WDR5B: variants seen among roughly 807,000 people sequenced by gnomAD.
WDR5B encodes WD repeat-containing protein 5B.
WDR5B carries 17 observed loss-of-function variants against 24.0 expected under a neutral mutation model. That is an observed-to-expected ratio of 0.71 (90% CI 0.49 to 1.06). WDR5B has a LOEUF of 1.06. WDR5B is among the 50% of genes least tolerant of loss of function. The probability of loss-of-function intolerance (pLI) is 0.00; values close to 1 mark genes in which losing one functional copy is unlikely to be tolerated. For synonymous variants in WDR5B, 150 were observed against 146.4 expected (o/e 1.02, Z -0.18); for missense variants, 368 against 384.1 (o/e 0.96, Z 0.35).
In WDR5B at chr3:122,415,619, G is replaced by A; in HGVS notation, c.-91C>T. 1.4e-6 allele frequency: 2 copies of A among 1,461,034 alleles called. No individual in the cohort carries two copies. Among genetic ancestry groups the A allele is most frequent in the Non-Finnish European group, 1.8e-6 (2 of 1,086,770 alleles). 90.5% of individuals were successfully genotyped at this position (1,461,034 alleles called of 1,614,324 possible). A position where few individuals can be genotyped will look rare whatever the true frequency, so the allele number is the denominator to read the frequency against. The stretch of plus-strand genomic sequence containing the variant: ...TTGGCTTTCTGCCCAGCAAAATGAA[G>A]ATAAACGCACAGGATTTTAAAATGT... On this transcript the variant is annotated 5_prime_UTR_variant, in exon 1 of 1. Coordinates refer to ENST00000330689, the MANE Select transcript of WDR5B (RefSeq NM_019069.4).
chr3:122,415,276 C>G lies in WDR5B; in HGVS notation c.253G>C (p.Glu85Gln), dbSNP rs760183274. The change falls in exon 1 of 1, where the codon GAA becomes CAA. Residue 85 changes from glutamate to glutamine, a missense_variant. Glu to Gln is a conservative substitution (Grantham distance 29, BLOSUM62 2). Coordinates refer to ENST00000330689, the MANE Select transcript of WDR5B (RefSeq NM_019069.4). ...YEKTLYGHNL[E>Q]ISDVAWSSDS... Reference sequence around the variant, plus strand: ...GATGACCAGGCAACATCCGATATTTCCAAATTATGACCATAGAGTGTTTTC... The same window carrying G: ...GATGACCAGGCAACATCCGATATTTGCAAATTATGACCATAGAGTGTTTTC... The G allele has an allele frequency of 6.2e-7, 1 of 1,614,226 alleles. No homozygotes were observed. The highest frequency in any genetic ancestry group is 1.1e-5 in the South Asian group (1 of 91,088).
Position 122,415,667 on chromosome 3 carries a change from T to C in WDR5B, c.-139A>G. 1 of 1,125,530 alleles carries C rather than the reference T, an allele frequency of 8.9e-7. No individual in the cohort carries two copies. Among genetic ancestry groups the C allele is most frequent in the Non-Finnish European group, 1.2e-6 (1 of 801,716 alleles). 69.7% of individuals were successfully genotyped at this position (1,125,530 alleles called of 1,614,324 possible). On this transcript the variant is annotated 5_prime_UTR_variant, in exon 1 of 1. Transcript: ENST00000330689. ...TGTACAGTTTTGAAAGCTTAAAGTT[T>C]CTGGACAGTCTTTAAACTGTGAGAC...
At position 122,415,220 on chromosome 3, in the gene WDR5B, A is replaced by C; in HGVS notation, c.309T>G (p.Asp103Glu). 1 of 1,614,238 alleles carries C rather than the reference A, an allele frequency of 6.2e-7. No individual in the cohort carries two copies. ...CATCCCATAATTTTAGAGTTTTATCATCTGAGGCAGAAACAAGACGACTGG... is the reference window on the plus strand; with the variant it reads ...CATCCCATAATTTTAGAGTTTTATCCTCTGAGGCAGAAACAAGACGACTGG... ...SDSSRLVSAS[D>E]DKTLKLWDVR... The change falls in exon 1 of 1, where the codon GAT becomes GAG. Residue 103 changes from aspartate (D) to glutamate (E), a missense_variant. Coordinates refer to ENST00000330689, the MANE Select transcript of WDR5B (RefSeq NM_019069.4).
rs1351511284 is a variant in WDR5B at position 122,414,826 on chromosome 3, T to C, written c.703A>G (p.Lys235Glu). ...CTGCCTCTGCTATAATCCCATAGTTTAAGAGTGTTGTCCAAAGTTGCAGTG... is the reference window on the plus strand; with the variant it reads ...CTGCCTCTGCTATAATCCCATAGTTCAAGAGTGTTGTCCAAAGTTGCAGTG... ...ILTATLDNTL[K>E]LWDYSRGRCL... Residue 235 changes from lysine to glutamate, a missense_variant, in exon 1 of 1, where the codon AAA becomes GAA. Coordinates refer to ENST00000330689, the MANE Select transcript of WDR5B (RefSeq NM_019069.4). 4 of 1,614,166 alleles carry C rather than the reference T, an allele frequency of 2.5e-6. No homozygotes were observed. The highest frequency in any genetic ancestry group is 3.4e-6 in the Non-Finnish European group (4 of 1,180,036).
chr3:122,414,914 G>C lies in WDR5B; in HGVS notation c.615C>G (p.Leu205=). ...DAASGQCLKT[L]VDDDNPPVSF... ...AGACAGGAGGGTTATCGTCATCAAC[G>C]AGCGTTTTTAAACACTGACCTGATG... The change falls in exon 1 of 1, where the codon CTC becomes CTG. Residue 205 remains leucine, a synonymous_variant. Transcript: ENST00000330689. 1 of 1,614,142 alleles carries C rather than the reference G, an allele frequency of 6.2e-7. No individual in the cohort carries two copies. Among genetic ancestry groups the C allele is most frequent in the Middle Eastern group, 1.6e-4 (1 of 6,062 alleles).
chr3:122,413,158 T>C lies in WDR5B; in HGVS notation c.*1378A>G, dbSNP rs2075713221. The C allele has an allele frequency of 6.6e-6, 1 of 152,258 alleles. No homozygotes were observed. The highest frequency in any genetic ancestry group is 6.5e-5 in the Admixed American group (1 of 15,286). The allele number at this position is 152,258 out of a possible 1,614,324, so 9.4% of individuals were successfully genotyped here. On this transcript the variant is annotated 3_prime_UTR_variant, in exon 1 of 1. Coordinates refer to ENST00000330689, the MANE Select transcript of WDR5B (RefSeq NM_019069.4). ...AGTGACAGACAAATGAAATTATTAA[T>C]AGGCCTCAAGATTAGAAGTCAGTTT...
rs2075714050 is a variant in WDR5B at position 122,413,305 on chromosome 3, A to G, written c.*1231T>C. The G allele has an allele frequency of 6.6e-6, 1 of 152,260 alleles. No homozygotes were observed. Among genetic ancestry groups the G allele is most frequent in the Non-Finnish European group, 1.5e-5 (1 of 68,052 alleles). 9.4% of individuals were successfully genotyped at this position (152,260 alleles called of 1,614,324 possible). A position where few individuals can be genotyped will look rare whatever the true frequency, so the allele number is the denominator to read the frequency against. ...CTCTCTTAAACCAGTTAGAATGGCT[A>G]TTATTAAAAAGTCAAAAAATGGCTG... On this transcript the variant is annotated 3_prime_UTR_variant, in exon 1 of 1. Coordinates refer to ENST00000330689, the MANE Select transcript of WDR5B (RefSeq NM_019069.4).
chr3:122,415,750 A>G lies in WDR5B; in HGVS notation c.-222T>C, dbSNP rs2075732069. On this transcript the variant is annotated 5_prime_UTR_variant, in exon 1 of 1. Coordinates refer to ENST00000330689, the MANE Select transcript of WDR5B (RefSeq NM_019069.4). Reference sequence around the variant, plus strand: ...TCATCTTTTTGTTAAGTACTTGAGAAATACTGTTAGAAGGATCCTGTGCGC... The same window carrying G: ...TCATCTTTTTGTTAAGTACTTGAGAGATACTGTTAGAAGGATCCTGTGCGC... 1.8e-6 allele frequency: 1 copy of G among 543,472 alleles called. No homozygotes were observed. 33.7% of individuals were successfully genotyped at this position (543,472 alleles called of 1,614,324 possible).
chr3:122,414,433 G>T lies in WDR5B; in HGVS notation c.*103C>A. The T allele has an allele frequency of 7.3e-7, 1 of 1,372,630 alleles. No homozygotes were observed. Among genetic ancestry groups the T allele is most frequent in the East Asian group, 2.3e-5 (1 of 42,574 alleles). 85.0% of individuals were successfully genotyped at this position (1,372,630 alleles called of 1,614,324 possible). A position where few individuals can be genotyped will look rare whatever the true frequency, so the allele number is the denominator to read the frequency against. On this transcript the variant is annotated 3_prime_UTR_variant, in exon 1 of 1. Coordinates refer to ENST00000330689, the MANE Select transcript of WDR5B (RefSeq NM_019069.4). ...GTATGAATCTCAAAATTTAACAATA[G>T]ACAATTTTTAAAATACCAAACTGCC...
At position 122,415,551 on chromosome 3, in the gene WDR5B, A is replaced by G; in HGVS notation, c.-23T>C. 6.3e-7 allele frequency: 1 copy of G among 1,592,526 alleles called. No individual in the cohort carries two copies. Among genetic ancestry groups the G allele is most frequent in the Non-Finnish European group, 8.5e-7 (1 of 1,169,600 alleles). ...CATGGCTCTGAAGCTCCAAGTTAGC[A>G]GGTGTACTAGGCGTTCAGCCCTGAA... On this transcript the variant is annotated 5_prime_UTR_variant, in exon 1 of 1. Transcript: ENST00000330689.
rs2075717134 is a variant in WDR5B, at chr3:122,413,833, T to C, written c.*703A>G. 6.6e-6 allele frequency: 1 copy of C among 152,110 alleles called. No individual in the cohort carries two copies. Among genetic ancestry groups the C allele is most frequent in the Admixed American group, 6.6e-5 (1 of 15,266 alleles). 9.4% of individuals were successfully genotyped at this position (152,110 alleles called of 1,614,324 possible). On this transcript the variant is annotated 3_prime_UTR_variant, in exon 1 of 1. Transcript: ENST00000330689. ...GTGCTGTTTATCGCAGCACTATTCG[T>C]AATAGCAAAGTTATGGAACCAACCT...
In WDR5B at chr3:122,415,154, A is replaced by G. The variant is rs921186245; in HGVS notation, c.375T>C (p.Ser125=). 9.3e-6 allele frequency: 15 copies of G among 1,614,214 alleles called. No individual in the cohort carries two copies. Among genetic ancestry groups the G allele is most frequent in the Non-Finnish European group, 1.1e-5 (13 of 1,180,034 alleles). ...GKCLKTLKGH[S]NYVFCCNFNP... Reference sequence around the variant, plus strand: ...TGAAGTTACAACAAAAGACATAATTACTGTGCCCCTTCAGTGTTTTCAAAC... The same window carrying G: ...TGAAGTTACAACAAAAGACATAATTGCTGTGCCCCTTCAGTGTTTTCAAAC... The change falls in exon 1 of 1, where the codon AGT becomes AGC. Residue 125 remains serine, a synonymous_variant. Transcript: ENST00000330689.
rs759636846 is a variant in WDR5B, at chr3:122,415,124, C to T, written c.405G>A (p.Pro135=). The change falls in exon 1 of 1, where the codon CCG becomes CCA. Residue 135 remains proline (P), a synonymous_variant. Transcript: ENST00000330689. ...ATCCCGAGATTATAAGGTTGGATGG[C>T]GGATTGAAGTTACAACAAAAGACAT... ...SNYVFCCNFN[P]PSNLIISGSF... The T allele has an allele frequency of 1.2e-6, 2 of 1,614,152 alleles. No homozygotes were observed. Among genetic ancestry groups the T allele is most frequent in the East Asian group, 2.2e-5 (1 of 44,884 alleles).
Position 122,415,054 on chromosome 3 carries a change from A to G in WDR5B, c.475T>C (p.Cys159Arg), listed in dbSNP as rs1318887544. ...GAATGAGCAGACAAAGTCTTGAGAC[A>G]CTTTCCTGTTTTCACCTCCCATATT... ...VKIWEVKTGK[C>R]LKTLSAHSDP... Residue 159 changes from cysteine to arginine, a missense_variant, in exon 1 of 1, where the codon TGT (cysteine) becomes CGT (arginine). Physicochemically the swap from Cys to Arg is radical, Grantham distance 180 (BLOSUM62 -3). Transcript: ENST00000330689. 7 of 1,614,090 alleles carry G rather than the reference A, an allele frequency of 4.3e-6. No individual in the cohort carries two copies. In the East Asian group the frequency reaches 1.1e-4, roughly 26 times the overall value.
Position 122,415,647 on chromosome 3 carries a change from A to G in WDR5B, c.-119T>C. 1 of 1,330,778 alleles carries G rather than the reference A, an allele frequency of 7.5e-7. No homozygotes were observed. The highest frequency in any genetic ancestry group is 1.0e-6 in the Non-Finnish European group (1 of 977,034). The allele number at this position is 1,330,778 out of a possible 1,614,324, so 82.4% of individuals were successfully genotyped here. ...AAACGCACAGGATTTTAAAATGTAC[A>G]GTTTTGAAAGCTTAAAGTTTCTGGA... On this transcript the variant is annotated 5_prime_UTR_variant, in exon 1 of 1. Transcript: ENST00000330689.
rs770269431 is a variant in WDR5B at position 122,414,610 on chromosome 3, G to T, written c.919C>A (p.Pro307Thr). Residue 307 changes from proline to threonine, a missense_variant, in exon 1 of 1, where the codon CCT (proline) becomes ACT (threonine). Pro to Thr is a conservative substitution (Grantham distance 38, BLOSUM62 -1). Coordinates refer to ENST00000330689, the MANE Select transcript of WDR5B (RefSeq NM_019069.4). ...GCTGATGCGATGAGGTTTTCTGTAG[G>T]ATGACAAGCTGCTGAGATCACAACA... The part of the protein sequence containing the change: ...TDVVISAACH[P>T]TENLIASAAL... The T allele has an allele frequency of 3.1e-6, 5 of 1,614,016 alleles. No individual in the cohort carries two copies. The highest frequency in any genetic ancestry group is 2.2e-5 in the East Asian group (1 of 44,894).
Position 122,414,136 on chromosome 3 carries a change from A to G in WDR5B, c.*400T>C, listed in dbSNP as rs748405110. The G allele has an allele frequency of 2.0e-4, 35 of 172,786 alleles. No individual in the cohort carries two copies. The highest frequency in any genetic ancestry group is 3.3e-4 in the African/African-American group (14 of 41,884). 10.7% of individuals were successfully genotyped at this position (172,786 alleles called of 1,614,324 possible). On this transcript the variant is annotated 3_prime_UTR_variant, in exon 1 of 1. Coordinates refer to ENST00000330689, the MANE Select transcript of WDR5B (RefSeq NM_019069.4). The stretch of plus-strand genomic sequence containing the variant: ...TGTTCTCGTAAGTGGGAGATAAACA[A>G]TGTGTACACCTGGACGTGGAGAGCA...
In WDR5B at chr3:122,415,012, C is replaced by G. The variant is rs1207806838; in HGVS notation, c.517G>C (p.Val173Leu). The G allele has an allele frequency of 6.2e-7, 1 of 1,614,172 alleles. No individual in the cohort carries two copies. Among genetic ancestry groups the G allele is most frequent in the South Asian group, 1.1e-5 (1 of 91,086 alleles). Residue 173 changes from valine (V) to leucine (L), a missense_variant, in exon 1 of 1, where the codon GTT becomes CTT. By Grantham distance (32) the Val-to-Leu change is conservative. Transcript: ENST00000330689. The stretch of plus-strand genomic sequence containing the variant: ...AAGGACCCACTACAATTAAAATGAA[C>G]AGCAGAAACTGGGTCAGAATGAGCA... ...LSAHSDPVSA[V>L]HFNCSGSLIV...
At position 122,414,373 on chromosome 3, in the gene WDR5B, G is replaced by T; in HGVS notation, c.*163C>A. 1 of 881,468 alleles carries T rather than the reference G, an allele frequency of 1.1e-6. No individual in the cohort carries two copies. The highest frequency in any genetic ancestry group is 1.7e-6 in the Non-Finnish European group (1 of 602,192). 54.6% of individuals were successfully genotyped at this position (881,468 alleles called of 1,614,324 possible). On this transcript the variant is annotated 3_prime_UTR_variant, in exon 1 of 1. Transcript: ENST00000330689. The stretch of plus-strand genomic sequence containing the variant: ...GGTAGTCAGAAGCTGAATTCTAGAT[G>T]TGCTTTTTCAACTATCTCATTTTGT...
Sources: allele counts gnomAD v4.1 joint callset, GRCh38; gene constraint gnomAD v4.1.1; transcripts MANE v1.5; gene names NCBI Gene and HGNC (gene_info 2026-07-23, HGNC 2026-07-21).